Variants in PTPRD observed in about 807,000 individuals in gnomAD.
PTPRD encodes receptor-type tyrosine-protein phosphatase delta.
PTPRD carries 34 observed loss-of-function variants against 214.5 expected under a neutral mutation model. The ratio of observed to expected loss-of-function variants is 0.16; its 90% CI spans 0.12 to 0.21. The LOEUF (loss-of-function observed/expected upper bound fraction) is 0.21. PTPRD is among the 10% of genes least tolerant of loss of function. PTPRD has a pLI of 1.00. For missense variants in PTPRD, 2,545 were observed against 2,398.7 expected (o/e 1.06, Z -1.27); for synonymous variants, 1,128 against 845.7 (o/e 1.33, Z -5.79).
chr9:8,478,201 C>A (rs1322417947), intron 30 of PTPRD, among the ~76,000 whole-genome samples: 1 of 152,092 alleles, frequency 6.6e-6, no homozygotes, highest in African/African-American at 2.4e-5. Context: ...ACCTAATATC[C>A]TCAGTAAATT....
At chr9:9,482,514 G>T (rs180677046) in intron 8 of PTPRD, among the ~76,000 whole-genome samples, 41 of 152,228 alleles carry the variant, frequency 2.7e-4, no homozygotes, top group Non-Finnish European at 5.0e-4. Flanking sequence ...CCAGATACTT[G>T]AGAAGAGGGG....
rs1052503050 is a variant in PTPRD at position 8,951,368 on chromosome 9, G to A, written c.-104+67329C>T. Among the ~76,000 whole-genome samples the A allele has an allele frequency of 2.7e-5, 4 of 148,490 alleles. No individual in the cohort carries two copies. The South Asian group carries it at 8.5e-4, about 32-fold the overall frequency. On this transcript the variant is annotated intron_variant, in intron 11 of 45. Coordinates refer to ENST00000381196, the MANE Select transcript of PTPRD (RefSeq NM_002839.4). ...CCCGTAAACATAGAAATGTGCCAGG[G>A]CTCAGGCTTCAGTCTTTCTTCTCTT... is the stretch of plus-strand genomic sequence containing the variant.
chr9:9,838,119 T>C (rs2057332528), intron 5 of PTPRD, among the ~76,000 whole-genome samples: 1 of 152,248 alleles, frequency 6.6e-6, no homozygotes, highest in Admixed American at 6.5e-5. Context: ...TATGGCCGCC[T>C]AGTATTCCAT....
chr9:9,776,779 G>C (rs1447940079), intron 5 of PTPRD, among the ~76,000 whole-genome samples: 1 of 151,894 alleles, frequency 6.6e-6, no homozygotes, highest in Non-Finnish European at 1.5e-5. Context: ...GATCAATATA[G>C]TCTCATAAAG....
At chr9:9,795,450 A>C (rs188756637) in intron 5 of PTPRD, among the ~76,000 whole-genome samples, 1 of 152,204 alleles carries the variant, frequency 6.6e-6, no homozygotes, top group African/African-American at 2.4e-5. Flanking sequence ...AGTGGAAAAA[A>C]ACAAGGTTTG....
intron 11 of PTPRD, among the ~76,000 whole-genome samples, chr9:8,882,793 G>C (rs753524229): frequency 7.4e-5 from 11 of 149,480 alleles, no homozygotes; most frequent in Non-Finnish European, 1.3e-4. Flanking sequence ...GCTGAGGCAG[G>C]AGAATCAGGT....
chr9:9,585,323 A>G (rs946392939), intron 7 of PTPRD, among the ~76,000 whole-genome samples: 1 of 152,004 alleles, frequency 6.6e-6, no homozygotes, highest in Non-Finnish European at 1.5e-5. Flanking sequence ...TCCTTTTTCT[A>G]CTTATTCCTA....
chr9:10,150,181 A>G (rs1273541069), intron 3 of PTPRD, among the ~76,000 whole-genome samples: 2 of 152,350 alleles, frequency 1.3e-5, no homozygotes, highest in East Asian at 3.9e-4. Context: ...AATTATTTGT[A>G]ATAGTGAGGA....
intron 3 of PTPRD, among the ~76,000 whole-genome samples, chr9:10,067,932 A>G (rs291317): frequency 0.08 from 12,153 of 151,928 alleles, 1,611 homozygotes; most frequent in African/African-American, 0.28. Flanking sequence ...GATGTTACTG[A>G]ACCTGAAGTT....
chr9:9,083,937 A>G (rs1453218654), intron 10 of PTPRD, among the ~76,000 whole-genome samples: 3 of 152,136 alleles, frequency 2.0e-5, no homozygotes, highest in Admixed American at 6.6e-5. Context: ...AAATAGGAAC[A>G]CTTTTACACT....
intron 4 of PTPRD, among the ~76,000 whole-genome samples, chr9:9,990,446 C>T (rs564702341): frequency 2.6e-5 from 4 of 152,256 alleles, no homozygotes; most frequent in African/African-American, 7.2e-5. Context: ...GGGGGCTTGG[C>T]GGCTCCCCTC....
Position 8,652,324 on chromosome 9 carries a change from T to C in PTPRD, c.65-15480A>G, listed in dbSNP as rs375189847. On this transcript the variant is annotated intron_variant, in intron 12 of 45. Coordinates refer to ENST00000381196, the MANE Select transcript of PTPRD (RefSeq NM_002839.4). ...GCAGGCAACATCATAGCAATTTAAG[T>C]TGGTTTTGTGACAAATTATTAGGAC... Among the ~76,000 whole-genome samples the C allele has an allele frequency of 3.4e-4, 52 of 152,350 alleles. No homozygotes were observed. The South Asian group carries it at 8.9e-3, about 26-fold the overall frequency.
intron 3 of PTPRD, among the ~76,000 whole-genome samples, chr9:10,285,066 G>A (rs2095298942): frequency 6.6e-6 from 1 of 152,000 alleles, no homozygotes. Flanking sequence ...ACTGCTTACT[G>A]GAACTAAAAA....
At position 9,583,828 on chromosome 9, in the gene PTPRD, T is replaced by G. The variant is rs534819436; in HGVS notation, c.-286-9047A>C. ...GTTGCCATTATGACTAGCGGGTCCT[T>G]ATCACTCCCTATTCTGAAAATATAC... On this transcript the variant is annotated intron_variant, in intron 7 of 45. Coordinates refer to ENST00000381196, the MANE Select transcript of PTPRD (RefSeq NM_002839.4). Among the ~76,000 whole-genome samples the G allele has an allele frequency of 3.9e-5, 6 of 152,188 alleles. No individual in the cohort carries two copies. In the East Asian group the frequency reaches 1.2e-3, roughly 29 times the overall value.
intron 7 of PTPRD, among the ~76,000 whole-genome samples, chr9:9,641,310 TA>T (rs2095940982): frequency 1.3e-5 from 2 of 152,200 alleles, no homozygotes. Flanking sequence ...ATGCAGCATG[TA>T]ATGGTGTAAT....
At chr9:9,057,039 A>T (rs538800185) in intron 10 of PTPRD, among the ~76,000 whole-genome samples, 1 of 152,216 alleles carries the variant, frequency 6.6e-6, no homozygotes, top group African/African-American at 2.4e-5. Flanking sequence ...GGGATCTGTT[A>T]TAGGGTGGTT....
At chr9:8,415,152 C>G (rs1004191306) in intron 35 of PTPRD, among the ~76,000 whole-genome samples, 4 of 152,134 alleles carry the variant, frequency 2.6e-5, no homozygotes, top group African/African-American at 9.7e-5. Flanking sequence ...GGTAGCTGAC[C>G]TTACCATGAT....
intron 8 of PTPRD, among the ~76,000 whole-genome samples, chr9:9,495,093 G>C (rs533756625): frequency 6.6e-6 from 1 of 152,044 alleles, no homozygotes; most frequent in Non-Finnish European, 1.5e-5. Context: ...AAATGGTACT[G>C]GGAAGACTAG....
intron 5 of PTPRD, among the ~76,000 whole-genome samples, chr9:9,911,086 G>T (rs2079057141): frequency 1.3e-5 from 2 of 151,862 alleles, no homozygotes; most frequent in Admixed American, 1.3e-4. Flanking sequence ...TGTAATCCTG[G>T]TATTGCTCCT....
Sources: gnomAD v4.1 joint callset for allele counts (sites outside exome capture counted in the v4.1 genomes callset) on GRCh38, gnomAD v4.1.1 for gene constraint, MANE v1.5 for transcripts, NCBI Gene and HGNC (gene_info 2026-07-23, HGNC 2026-07-21) for gene names.